The following RAD51B variants were observed in gnomAD, a reference collection of about 807,000 sequenced individuals.
RAD51B encodes the protein RAD51 paralog B.
A neutral mutation model predicts 42.2 loss-of-function variants in RAD51B; 38 were observed. The ratio of observed to expected loss-of-function variants is 0.90; its 90% CI spans 0.70 to 1.18. The LOEUF is 1.18. Among genes scored for constraint, RAD51B ranks in the 50% most tolerant of loss-of-function variants. The pLI is 0.00. For missense variants in RAD51B, 373 were observed against 400.7 expected, an observed-to-expected ratio of 0.93 and a Z score of 0.59; for synonymous variants, 154 against 145.2, an observed-to-expected ratio of 1.06 and a Z score of -0.43.
intron 9 of RAD51B, among the ~76,000 whole-genome samples, chr14:68,430,338 C>T (rs1452793610): frequency 2.0e-5 from 3 of 152,162 alleles, no homozygotes; most frequent in South Asian, 2.1e-4. Context: ...TTACCTTGGG[C>T]AGTATGGCCA....
intron 7 of RAD51B, among the ~76,000 whole-genome samples, chr14:67,975,366 T>A (rs766751792): frequency 6.6e-6 from 1 of 152,228 alleles, no homozygotes; most frequent in Non-Finnish European, 1.5e-5. Flanking sequence ...GTTGTGACTC[T>A]CATTGGCCTA....
intron 8 of RAD51B, among the ~76,000 whole-genome samples, chr14:68,336,372 T>A (rs2082455091): frequency 6.6e-6 from 1 of 152,242 alleles, no homozygotes; most frequent in Non-Finnish European, 1.5e-5. Flanking sequence ...TAGAATGATG[T>A]CATACATCTG....
intron 7 of RAD51B, among the ~76,000 whole-genome samples, chr14:68,125,822 G>C (rs2077748035): frequency 6.6e-6 from 1 of 150,618 alleles, no homozygotes; most frequent in Non-Finnish European, 1.5e-5. Flanking sequence ...TCATGTAATT[G>C]GCCATGAAAA....
intron 10 of RAD51B, among the ~76,000 whole-genome samples, chr14:68,585,653 G>C (rs1449402037): frequency 2.0e-5 from 3 of 152,188 alleles, no homozygotes; most frequent in Non-Finnish European, 4.4e-5. Flanking sequence ...AGCTGGAACA[G>C]GGCAGAGCAA....
intron 7 of RAD51B, among the ~76,000 whole-genome samples, chr14:68,058,416 G>A (rs544483516): frequency 3.3e-5 from 5 of 152,228 alleles, no homozygotes; most frequent in African/African-American, 1.2e-4. Flanking sequence ...AAGTCTCTCT[G>A]CCATGACATT....
intron 7 of RAD51B, among the ~76,000 whole-genome samples, chr14:68,220,749 A>G (rs1196058934): frequency 6.6e-6 from 1 of 152,174 alleles, no homozygotes; most frequent in Non-Finnish European, 1.5e-5. Flanking sequence ...TGATAAATGA[A>G]TTCAGCAAAG....
chr14:68,333,062 G>C lies in RAD51B; in HGVS notation c.853+41082G>C, dbSNP rs146466290. ...CCACCCACCCAGCTGAGGACTGTTA[G>C]CTGGTCCATGAATAGAATGCTCTCA... On this transcript the variant is annotated intron_variant, in intron 8 of 10. Transcript: ENST00000471583. Among the ~76,000 whole-genome samples, 509 of 152,268 alleles carry C rather than the reference G, an allele frequency of 3.3e-3. 2 individuals are homozygous for C. The highest frequency in any genetic ancestry group is 0.012 in the African/African-American group (480 of 41,558).
chr14:68,234,583 T>C (rs2080209787), intron 7 of RAD51B, among the ~76,000 whole-genome samples: 1 of 152,172 alleles, frequency 6.6e-6, no homozygotes, highest in Admixed American at 6.5e-5. Context: ...CTGAATACTA[T>C]AGGCAATTGG....
At chr14:68,673,992 C>T (rs893056546) in intron 11 of RAD51B, among the ~76,000 whole-genome samples, 2 of 152,056 alleles carry the variant, frequency 1.3e-5, no homozygotes, top group African/African-American at 2.4e-5. Context: ...ACTGTACACA[C>T]ATATATATAC....
chr14:68,147,830 G>A, intron 7 of RAD51B, among the ~76,000 whole-genome samples: 1 of 150,002 alleles, frequency 6.7e-6, no homozygotes. Context: ...GCTTTATTGA[G>A]TTATAACTGA....
chr14:68,415,771 C>T lies in RAD51B; in HGVS notation c.957+4244C>T, dbSNP rs1268654171. Among the ~76,000 whole-genome samples the T allele has an allele frequency of 3.3e-5, 5 of 152,084 alleles. No individual in the cohort carries two copies. In the East Asian group the frequency reaches 5.8e-4, roughly 18 times the overall value. On this transcript the variant is annotated intron_variant, in intron 9 of 10. Transcript: ENST00000471583. ...ATACTTGAAAGAAGGAAGAAAAACT[C>T]GATAAAAATATTCACATTTATACAA...
At chr14:67,936,635 A>G (rs909556844) in intron 7 of RAD51B, among the ~76,000 whole-genome samples, 10 of 152,190 alleles carry the variant, frequency 6.6e-5, no homozygotes, top group Non-Finnish European at 1.2e-4. Context: ...GCTGGATCAT[A>G]TGGCAGCTCT....
chr14:68,377,109 C>G (rs2083386206), intron 8 of RAD51B, among the ~76,000 whole-genome samples: 1 of 152,186 alleles, frequency 6.6e-6, no homozygotes, highest in Non-Finnish European at 1.5e-5. Flanking sequence ...TCCCAGCTTT[C>G]AGATGGGATA....
At chr14:68,642,925 A>G (rs564486420) in intron 10 of RAD51B, among the ~76,000 whole-genome samples, 1 of 152,130 alleles carries the variant, frequency 6.6e-6, no homozygotes, top group East Asian at 1.9e-4. Flanking sequence ...CTATCAGACT[A>G]TTTCTAGTTT....
chr14:68,445,314 T>TA lies in RAD51B; in HGVS notation c.958-22853dup, dbSNP rs575678634. 3.9e-5 allele frequency among the ~76,000 whole-genome samples: 6 copies of TA among 152,240 alleles called. No homozygotes were observed. In the South Asian group the frequency reaches 1.2e-3, roughly 32 times the overall value. Reference sequence around the variant, plus strand: ...CTTCAGAAGGAAAAGATCTCTTACTTAAAAATGATTCTGTATAAGATTACT... The same window carrying TA: ...CTTCAGAAGGAAAAGATCTCTTACTTAAAAAATGATTCTGTATAAGATTACT... On this transcript the variant is annotated intron_variant, in intron 9 of 10. Coordinates refer to ENST00000471583, the MANE Select transcript of RAD51B (RefSeq NM_133510.4).
intron 7 of RAD51B, among the ~76,000 whole-genome samples, chr14:68,103,621 A>C (rs2077327754): frequency 6.6e-6 from 1 of 152,170 alleles, no homozygotes; most frequent in African/African-American, 2.4e-5. Context: ...CCTAGTGTGC[A>C]AAGTTAATTT....
At position 68,012,210 on chromosome 14, in the gene RAD51B, G is replaced by T. The variant is rs190263584; in HGVS notation, c.756+125006G>T. On this transcript the variant is annotated intron_variant, in intron 7 of 10. Coordinates refer to ENST00000471583, the MANE Select transcript of RAD51B (RefSeq NM_133510.4). ...AGTGGATAATAATAAGCTAGAGCAA[G>T]AAAGTGTGTTTTCTTAATTTCATAT... Among the ~76,000 whole-genome samples the T allele has an allele frequency of 9.2e-5, 14 of 152,232 alleles. No homozygotes were observed. The East Asian group carries it at 2.7e-3, about 29-fold the overall frequency.
intron 7 of RAD51B, among the ~76,000 whole-genome samples, chr14:68,198,892 A>C (rs2140920128): frequency 6.6e-6 from 1 of 152,266 alleles, no homozygotes; most frequent in East Asian, 1.9e-4. Flanking sequence ...TGTTACACAA[A>C]ACACCCTATT....
At chr14:67,855,309 T>C (rs1195492779) in intron 4 of RAD51B, among the ~76,000 whole-genome samples, 2 of 151,866 alleles carry the variant, frequency 1.3e-5, no homozygotes, top group Non-Finnish European at 2.9e-5. Context: ...CGGCTCAATG[T>C]AAGCTCCGCC....
Sources: gnomAD v4.1 joint callset for allele counts (sites outside exome capture counted in the v4.1 genomes callset) on GRCh38, gnomAD v4.1.1 for gene constraint, MANE v1.5 for transcripts, NCBI Gene and HGNC (gene_info 2026-07-23, HGNC 2026-07-21) for gene names.